The following FRMPD4 variants were observed in gnomAD, a reference collection of about 807,000 sequenced individuals.
The protein encoded by FRMPD4 is FERM and PDZ domain containing 4.
FRMPD4 carries 22 observed loss-of-function variants against 94.1 expected under a neutral mutation model. That is an observed-to-expected ratio of 0.23 (90% CI 0.17 to 0.33). The LOEUF (loss-of-function observed/expected upper bound fraction) is 0.33. Among genes scored for constraint, FRMPD4 ranks in the 10% least tolerant of loss-of-function variants. The pLI, the probability that FRMPD4 is intolerant of heterozygous loss-of-function variation, is 1.00. For synonymous variants in FRMPD4, 631 were observed against 548.6 expected (o/e 1.15, Z -2.10); for missense variants, 1,111 against 1,339.9 (o/e 0.83, Z 2.67).
chrX:12,244,543 A>G (rs1267627590), intron 1 of FRMPD4, among the ~76,000 whole-genome samples: 1 of 112,245 alleles, frequency 8.9e-6, no homozygotes. Flanking sequence ...CCCCTTTTGT[A>G]TTGCTACACA....
At chrX:12,608,694 A>G (rs971135686) in intron 2 of FRMPD4, among the ~76,000 whole-genome samples, 5 of 112,600 alleles carry the variant, frequency 4.4e-5, no homozygotes, top group Non-Finnish European at 7.5e-5. Flanking sequence ...AGCTTTTCAC[A>G]AAGAAATCTC....
chrX:12,181,669 T>C (rs1488246233), intron 1 of FRMPD4, among the ~76,000 whole-genome samples: 1 of 111,759 alleles, frequency 8.9e-6, no homozygotes, highest in Non-Finnish European at 1.9e-5. Context: ...TGGGCTCTAG[T>C]GCAAAATGAA....
At chrX:11,838,658 C>T (rs920434869) in intron 1 of FRMPD4, among the ~76,000 whole-genome samples, 3 of 111,117 alleles carry the variant, frequency 2.7e-5, no homozygotes, top group African/African-American at 6.5e-5. Context: ...TCTGCTGCCA[C>T]GAGGCCCAGG....
intron 1 of FRMPD4, among the ~76,000 whole-genome samples, chrX:12,231,147 C>T (rs1230669232): frequency 1.1e-5 from 1 of 90,097 alleles, no homozygotes; most frequent in Non-Finnish European, 2.1e-5. Flanking sequence ...CCTGCCGGGC[C>T]CAAGCAATCC....
At chrX:11,989,938 C>T (rs934468931) in intron 3 of FRMPD4, among the ~76,000 whole-genome samples, 1 of 111,525 alleles carries the variant, frequency 9.0e-6, no homozygotes, top group African/African-American at 3.3e-5. Flanking sequence ...TACCAGAATA[C>T]CCCGTGATTC....
intron 1 of FRMPD4, among the ~76,000 whole-genome samples, chrX:12,289,498 TG>T (rs1457268690): frequency 1.8e-5 from 2 of 112,040 alleles, no homozygotes; most frequent in Non-Finnish European, 3.8e-5. Flanking sequence ...GTCATCATAT[TG>T]GACAATGCAG....
At chrX:12,493,578 A>T (rs188908658) in intron 1 of FRMPD4, among the ~76,000 whole-genome samples, 1 of 112,167 alleles carries the variant, frequency 8.9e-6, no homozygotes, top group Non-Finnish European at 1.9e-5. Flanking sequence ...AAGAAAGCTG[A>T]TAAGTTGTTA....
At chrX:11,879,696 T>G (rs2053803182) in intron 3 of FRMPD4, among the ~76,000 whole-genome samples, 1 of 111,659 alleles carries the variant, frequency 9.0e-6, no homozygotes, top group Non-Finnish European at 1.9e-5. Flanking sequence ...AGAATCAACA[T>G]AAAAAGAAAC....
intron 3 of FRMPD4, among the ~76,000 whole-genome samples, chrX:11,901,669 A>G (rs1019284493): frequency 8.9e-6 from 1 of 112,153 alleles, no homozygotes; most frequent in South Asian, 3.7e-4. Flanking sequence ...AGGAATCTCT[A>G]TACTGTTTTC....
intron 1 of FRMPD4, among the ~76,000 whole-genome samples, chrX:12,361,496 G>C (rs1234507620): frequency 8.9e-6 from 1 of 112,134 alleles, no homozygotes; most frequent in Non-Finnish European, 1.9e-5. Context: ...ACTGGGCTTT[G>C]CTGGGAATGC....
chrX:12,460,847 C>T (rs2057384032), intron 1 of FRMPD4, among the ~76,000 whole-genome samples: 1 of 111,247 alleles, frequency 9.0e-6, no homozygotes, highest in Non-Finnish European at 1.9e-5. Flanking sequence ...GAAATAAATA[C>T]AGTAAGATTT....
chrX:12,403,325 A>C (rs773119069), intron 1 of FRMPD4, among the ~76,000 whole-genome samples: 1 of 109,930 alleles, frequency 9.1e-6, no homozygotes, highest in South Asian at 3.8e-4. Context: ...GCTTATTCCT[A>C]CCTCAGGGTC....
At chrX:12,036,795 A>T (rs2054722977) in intron 3 of FRMPD4, among the ~76,000 whole-genome samples, 2 of 111,868 alleles carry the variant, frequency 1.8e-5, no homozygotes, top group Admixed American at 9.5e-5. Context: ...TTTATGCATG[A>T]TCCCTTTTAA....
chrX:12,384,822 G>A (rs770229181), intron 1 of FRMPD4, among the ~76,000 whole-genome samples: 1 of 112,238 alleles, frequency 8.9e-6, no homozygotes, highest in African/African-American at 3.2e-5. Context: ...AGAGTTTTAC[G>A]TATATTGAGT....
chrX:12,202,496 T>G (rs766313265), intron 1 of FRMPD4, among the ~76,000 whole-genome samples: 6 of 112,366 alleles, frequency 5.3e-5, no homozygotes, highest in Admixed American at 9.4e-5. Flanking sequence ...CTAAGAATAC[T>G]TATCTCCAAC....
chrX:11,964,771 C>T (rs1014323668), intron 3 of FRMPD4, among the ~76,000 whole-genome samples: 2 of 112,135 alleles, frequency 1.8e-5, no homozygotes, highest in African/African-American at 3.3e-5. Flanking sequence ...GTTTAAACAA[C>T]ACAAATTTAC....
At chrX:11,842,029 C>G (rs1218658182) in intron 1 of FRMPD4, among the ~76,000 whole-genome samples, 1 of 110,257 alleles carries the variant, frequency 9.1e-6, no homozygotes, top group East Asian at 2.8e-4. Flanking sequence ...GCTTGTTTTT[C>G]TCAGGTTTGT....
upstream of FRMPD4, among the ~76,000 whole-genome samples, chrX:12,136,936 C>CAA (rs1465541772): frequency 1.4e-4 from 15 of 109,294 alleles, no homozygotes; most frequent in East Asian, 3.1e-3. Context: ...TACACACACA[C>CAA]AAAACATCTT....
intron 3 of FRMPD4, among the ~76,000 whole-genome samples, chrX:12,031,044 G>T (rs1379238629): frequency 1.8e-5 from 2 of 112,314 alleles, no homozygotes; most frequent in African/African-American, 6.5e-5. Flanking sequence ...AGTATGAGTA[G>T]TATACAGTGC....
Sources: gnomAD v4.1 joint callset for allele counts (sites outside exome capture counted in the v4.1 genomes callset) on GRCh38, gnomAD v4.1.1 for gene constraint, MANE v1.5 for transcripts, NCBI Gene and HGNC (gene_info 2026-07-23, HGNC 2026-07-21) for gene names.